The following RBFOX3 variants were observed in gnomAD, a reference collection of about 807,000 sequenced individuals.
RBFOX3 encodes the protein RNA binding protein fox-1 homolog 3.
A neutral mutation model predicts 48.7 loss-of-function variants in RBFOX3; 17 were observed. The ratio of observed to expected loss-of-function variants is 0.35; its 90% CI spans 0.24 to 0.52. RBFOX3 has a LOEUF of 0.52. Ranked by LOEUF, RBFOX3 falls within the 20% of genes least tolerant of loss-of-function variation. RBFOX3 has a pLI of 0.94. For synonymous variants in RBFOX3, 212 were observed against 209.5 expected, an observed-to-expected ratio of 1.01 and a Z score of -0.10; for missense variants, 382 against 497.5, an observed-to-expected ratio of 0.77 and a Z score of 2.21.
intron 2 of RBFOX3, among the ~76,000 whole-genome samples, chr17:79,404,413 C>T (rs565767428): frequency 3.3e-5 from 5 of 152,360 alleles, no homozygotes; most frequent in African/African-American, 4.8e-5. Context: ...AGTCCCAGCC[C>T]GCGGGCACCC....
Position 79,106,650 on chromosome 17 carries a change from C to A in RBFOX3, c.360+1G>T. On this transcript the variant is annotated splice_donor_variant, in intron 6 of 14. Coordinates refer to ENST00000693108, the MANE Select transcript of RBFOX3 (RefSeq NM_001350451.2). LOFTEE classifies it high-confidence loss of function. ...GGATGGGTGGGGCCGCGCACACTCA[C>A]CCCGAACATTTGCCGCAAGTCGGGG... 6.8e-7 allele frequency: 1 copy of A among 1,474,374 alleles called. No homozygotes were observed. Among genetic ancestry groups the A allele is most frequent in the Non-Finnish European group, 9.0e-7 (1 of 1,117,134 alleles). The allele number at this position is 1,474,374 out of a possible 1,614,324, so 91.3% of individuals were successfully genotyped here.
intron 4 of RBFOX3, among the ~76,000 whole-genome samples, chr17:79,170,531 G>A (rs138373953): frequency 2.8e-4 from 42 of 152,176 alleles, no homozygotes; most frequent in African/African-American, 9.6e-4. Context: ...TCCACCACGC[G>A]TCTGCACCGT....
rs2093728951 is a variant in RBFOX3, at chr17:79,602,552, C to T, written c.-320+8274G>A. On this transcript the variant is annotated intron_variant, in intron 1 of 14. Transcript: ENST00000693108. ...TATAAGGAGCCTGTGGAAGCAACCC[C>T]TCGGGTCTCTAGTTCCACTTCACCT... Among the ~76,000 whole-genome samples the T allele has an allele frequency of 4.6e-5, 7 of 152,362 alleles. No homozygotes were observed. In the South Asian group the frequency reaches 1.0e-3, roughly 23 times the overall value.
chr17:79,609,279 C>G (rs1202117542), intron 1 of RBFOX3, among the ~76,000 whole-genome samples: 3 of 152,214 alleles, frequency 2.0e-5, no homozygotes, highest in African/African-American at 7.2e-5. Context: ...CTCCATTAGC[C>G]TCCTACCTGC....
At chr17:79,533,284 CAG>C (rs1457006985) in intron 1 of RBFOX3, among the ~76,000 whole-genome samples, 6 of 152,238 alleles carry the variant, frequency 3.9e-5, no homozygotes, top group African/African-American at 1.2e-4. Flanking sequence ...CAACTGGAGG[CAG>C]AGAGTCGAGT....
At chr17:79,659,978 G>A in the RBFOX3 span, among the ~76,000 whole-genome samples, 17 of 152,270 alleles carry the variant, frequency 1.1e-4, no homozygotes, top group East Asian at 3.3e-3. Flanking sequence ...TGTGAGGTCA[G>A]GAGCTCAAGA....
At chr17:79,449,301 AC>A (rs2072999468) in intron 2 of RBFOX3, among the ~76,000 whole-genome samples, 2 of 151,652 alleles carry the variant, frequency 1.3e-5, no homozygotes, top group African/African-American at 4.8e-5. Context: ...TCCTGTGCTA[AC>A]CCCCGTTAAC....
At chr17:79,456,732 C>T (rs2074561085) in intron 2 of RBFOX3, among the ~76,000 whole-genome samples, 1 of 152,180 alleles carries the variant, frequency 6.6e-6, no homozygotes, top group African/African-American at 2.4e-5. Context: ...TTCAAACCCC[C>T]CAGGGCCCTT....
chr17:79,398,443 A>C (rs1274966541), intron 2 of RBFOX3, among the ~76,000 whole-genome samples: 1 of 152,174 alleles, frequency 6.6e-6, no homozygotes, highest in Non-Finnish European at 1.5e-5. Context: ...GATATCTGTC[A>C]GCGTTTAACA....
intron 4 of RBFOX3, among the ~76,000 whole-genome samples, chr17:79,150,492 C>T (rs1245354682): frequency 6.6e-6 from 1 of 152,166 alleles, no homozygotes; most frequent in Non-Finnish European, 1.5e-5. Flanking sequence ...CCCGCCTGCC[C>T]ATCACTCAAG....
intron 4 of RBFOX3, among the ~76,000 whole-genome samples, chr17:79,130,457 G>A (rs564188227): frequency 1.3e-5 from 2 of 152,364 alleles, no homozygotes; most frequent in South Asian, 2.1e-4. Flanking sequence ...AGTGGAGGGC[G>A]GGCACAGGCT....
intron 1 of RBFOX3, among the ~76,000 whole-genome samples, chr17:79,587,411 G>A (rs1233749210): frequency 6.6e-6 from 1 of 152,234 alleles, no homozygotes; most frequent in African/African-American, 2.4e-5. Flanking sequence ...TTGCAGTCCA[G>A]TGTCCTTTGC....
intron 4 of RBFOX3, among the ~76,000 whole-genome samples, chr17:79,123,288 C>T (rs1183094371): frequency 1.3e-5 from 2 of 152,200 alleles, no homozygotes; most frequent in Admixed American, 1.3e-4. Flanking sequence ...GATTATCACA[C>T]ACTGCATGCC....
chr17:79,632,741 TAA>T, the RBFOX3 span, among the ~76,000 whole-genome samples: 11,478 of 125,376 alleles, frequency 0.092, 1,138 homozygotes, highest in African/African-American at 0.25. Context: ...ACGTATCTAC[TAA>T]AAAAAAAAAA....
At chr17:79,439,712 T>A (rs577547833) in intron 2 of RBFOX3, among the ~76,000 whole-genome samples, 1 of 152,114 alleles carries the variant, frequency 6.6e-6, no homozygotes, top group Non-Finnish European at 1.5e-5. Flanking sequence ...GCACACACAC[T>A]CAGTGGCATA....
chr17:79,324,264 C>T (rs905546198), intron 2 of RBFOX3, among the ~76,000 whole-genome samples: 6 of 152,232 alleles, frequency 3.9e-5, no homozygotes, highest in Non-Finnish European at 7.3e-5. Context: ...CCAGGAGGAG[C>T]AGCAGCACTT....
chr17:79,118,636 T>C (rs1396635376), intron 4 of RBFOX3, among the ~76,000 whole-genome samples: 1 of 152,006 alleles, frequency 6.6e-6, no homozygotes, highest in Admixed American at 6.6e-5. Context: ...TTGCACTGTC[T>C]TCCCAGCAAC....
At chr17:79,106,338 T>C (rs533197321) in intron 6 of RBFOX3, among the ~76,000 whole-genome samples, 1 of 152,094 alleles carries the variant, frequency 6.6e-6, no homozygotes, top group African/African-American at 2.4e-5. Flanking sequence ...ACCCCTGAGC[T>C]CAGGTGGTCT....
intron 1 of RBFOX3, among the ~76,000 whole-genome samples, chr17:79,490,126 C>A (rs541119970): frequency 0.022 from 3,363 of 152,242 alleles, 60 homozygotes; most frequent in Admixed American, 0.062. Context: ...CTGTCTCTGG[C>A]AAAAATAATT....
Sources: allele counts gnomAD v4.1 joint callset (sites outside exome capture counted in the v4.1 genomes callset), GRCh38; gene constraint gnomAD v4.1.1; transcripts MANE v1.5; gene names NCBI Gene and HGNC (gene_info 2026-07-23, HGNC 2026-07-21).